SLC24A3: variants seen among roughly 807,000 people sequenced by gnomAD.
SLC24A3 encodes the protein sodium/potassium/calcium exchanger 3.
In SLC24A3, 28 loss-of-function variants were observed where a neutral mutation model predicts 75.8. The ratio of observed to expected loss-of-function variants is 0.37; its 90% CI spans 0.27 to 0.51. SLC24A3 has a LOEUF of 0.51. Among genes scored for constraint, SLC24A3 ranks in the 20% least tolerant of loss-of-function variants. The pLI, the probability that SLC24A3 is intolerant of heterozygous loss-of-function variation, is 0.94. For missense variants in SLC24A3, 663 were observed against 847.8 expected (o/e 0.78, Z 2.71); for synonymous variants, 372 against 334.1 (o/e 1.11, Z -1.24).
chr20:19,651,435 T>C (rs1289018151), intron 6 of SLC24A3, among the ~76,000 whole-genome samples: 1 of 149,954 alleles, frequency 6.7e-6, no homozygotes. Context: ...TCCTCTCCTC[T>C]GTCTGGTAAT....
intron 2 of SLC24A3, among the ~76,000 whole-genome samples, chr20:19,371,195 C>G (rs1422286289): frequency 6.6e-6 from 1 of 152,002 alleles, no homozygotes; most frequent in African/African-American, 2.4e-5. Flanking sequence ...CATTTCCTCC[C>G]CAATAGGGGA....
intron 2 of SLC24A3, among the ~76,000 whole-genome samples, chr20:19,419,918 G>A (rs1403606393): frequency 1.6e-5 from 2 of 127,636 alleles, no homozygotes; most frequent in Non-Finnish European, 3.2e-5. Context: ...ATGCTGGTGC[G>A]CTGCACCCAC....
intron 15 of SLC24A3, among the ~76,000 whole-genome samples, chr20:19,703,495 C>T (rs1183027691): frequency 6.6e-6 from 1 of 152,206 alleles, no homozygotes; most frequent in Non-Finnish European, 1.5e-5. Context: ...AGCAAGCAAT[C>T]CCTTTGTACA....
intron 2 of SLC24A3, among the ~76,000 whole-genome samples, chr20:19,492,043 G>A (rs985695913): frequency 7.2e-5 from 11 of 152,158 alleles, no homozygotes; most frequent in African/African-American, 1.9e-4. Flanking sequence ...GAGGCACACC[G>A]AAGCGGGGTG....
At chr20:19,360,623 A>T (rs1985768411) in intron 2 of SLC24A3, among the ~76,000 whole-genome samples, 2 of 152,340 alleles carry the variant, frequency 1.3e-5, no homozygotes, top group South Asian at 4.1e-4. Context: ...TAACATGTGG[A>T]TATTACAACA....
chr20:19,507,135 C>A (rs193293047), intron 2 of SLC24A3, among the ~76,000 whole-genome samples: 1 of 152,136 alleles, frequency 6.6e-6, no homozygotes, highest in African/African-American at 2.4e-5. Flanking sequence ...TGTTCAGGGG[C>A]CTTTATTTAT....
chr20:19,215,125 T>C (rs1981518360), intron 1 of SLC24A3, among the ~76,000 whole-genome samples: 1 of 152,206 alleles, frequency 6.6e-6, no homozygotes, highest in Non-Finnish European at 1.5e-5. Context: ...AACATATTAA[T>C]TAATGTGTGT....
intron 2 of SLC24A3, among the ~76,000 whole-genome samples, chr20:19,441,402 A>T (rs1987297605): frequency 6.6e-6 from 1 of 152,206 alleles, no homozygotes; most frequent in Non-Finnish European, 1.5e-5. Context: ...TTAGGACTGC[A>T]GTTAGCATGG....
chr20:19,651,373 A>T (rs201347785), intron 6 of SLC24A3, among the ~76,000 whole-genome samples: 85 of 28,612 alleles, frequency 3.0e-3, no homozygotes, highest in African/African-American at 6.7e-3. Flanking sequence ...GGTTTTTATT[A>T]TATATATATA....
chr20:19,624,493 A>G (rs1170506504), intron 6 of SLC24A3, among the ~76,000 whole-genome samples: 1 of 152,232 alleles, frequency 6.6e-6, no homozygotes, highest in Non-Finnish European at 1.5e-5. Context: ...TCTGGGGCCC[A>G]GGACAAAATA....
chr20:19,450,919 A>T (rs1006295905), intron 2 of SLC24A3, among the ~76,000 whole-genome samples: 1 of 152,170 alleles, frequency 6.6e-6, no homozygotes, highest in Non-Finnish European at 1.5e-5. Context: ...GAATCACTTG[A>T]ACCTGGGAAG....
chr20:19,305,901 C>A (rs1984314732), intron 2 of SLC24A3, among the ~76,000 whole-genome samples: 1 of 152,114 alleles, frequency 6.6e-6, no homozygotes. Flanking sequence ...AACTAAAGAG[C>A]TTCTGCATAG....
chr20:19,327,163 G>C (rs1984881578), intron 2 of SLC24A3, among the ~76,000 whole-genome samples: 1 of 152,010 alleles, frequency 6.6e-6, no homozygotes, highest in Non-Finnish European at 1.5e-5. Context: ...CTTTTCTCTG[G>C]TGATTACTGG....
At chr20:19,678,543 C>T (rs1240637475) in intron 9 of SLC24A3, among the ~76,000 whole-genome samples, 7 of 121,110 alleles carry the variant, frequency 5.8e-5, no homozygotes, top group Non-Finnish European at 8.6e-5. Context: ...CCGGACGGGG[C>T]GGCTGGCCGG....
chr20:19,640,670 A>C (rs1242023515), intron 6 of SLC24A3, among the ~76,000 whole-genome samples: 3 of 152,166 alleles, frequency 2.0e-5, no homozygotes, highest in Non-Finnish European at 4.4e-5. Context: ...GAATCACTTC[A>C]ACCCGGGAGG....
intron 15 of SLC24A3, among the ~76,000 whole-genome samples, chr20:19,709,162 C>T (rs1159890270): frequency 6.6e-6 from 1 of 152,138 alleles, no homozygotes; most frequent in Non-Finnish European, 1.5e-5. Flanking sequence ...ATGACTCCAT[C>T]CGAGGGGCAA....
At chr20:19,363,591 G>C (rs1205209927) in intron 2 of SLC24A3, among the ~76,000 whole-genome samples, 1 of 152,134 alleles carries the variant, frequency 6.6e-6, no homozygotes, top group Admixed American at 6.5e-5. Flanking sequence ...GGTGCTCTAT[G>C]GCAAGAGAGA....
chr20:19,449,673 T>C (rs1987448229), intron 2 of SLC24A3, among the ~76,000 whole-genome samples: 1 of 152,206 alleles, frequency 6.6e-6, no homozygotes. Flanking sequence ...AACTTCTTCC[T>C]GGGCAGTCAT....
At chr20:19,304,902 G>T (rs959686827) in intron 2 of SLC24A3, among the ~76,000 whole-genome samples, 2 of 152,132 alleles carry the variant, frequency 1.3e-5, no homozygotes, top group African/African-American at 4.8e-5. Flanking sequence ...GACTATTTTG[G>T]CCCTGTCTGA....
Sources: gnomAD v4.1 joint callset for allele counts (sites outside exome capture counted in the v4.1 genomes callset) on GRCh38, gnomAD v4.1.1 for gene constraint, MANE v1.5 for transcripts, NCBI Gene and HGNC (gene_info 2026-07-23, HGNC 2026-07-21) for gene names.